Variants in BTRC observed in about 807,000 individuals in gnomAD.
BTRC encodes F-box/WD repeat-containing protein 1A.
Under a neutral mutation model 85.5 loss-of-function variants are expected in BTRC, and 42 were observed. That is an observed-to-expected ratio of 0.49 (90% confidence interval 0.38 to 0.64). BTRC has a LOEUF of 0.64. BTRC is among the 30% of genes least tolerant of loss of function. The pLI is 0.00. For synonymous variants in BTRC, 255 were observed against 263.3 expected, an observed-to-expected ratio of 0.97 and a Z score of 0.30; for missense variants, 594 against 743.5, an observed-to-expected ratio of 0.80 and a Z score of 2.34.
chr10:101,498,419 T>G (rs1045447991), intron 4 of BTRC, among the ~76,000 whole-genome samples: 9 of 151,978 alleles, frequency 5.9e-5, no homozygotes, highest in Admixed American at 5.9e-4. Context: ...CCTCCCAAAG[T>G]GCTGTGATTA....
chr10:101,486,406 G>A (rs1220449379), intron 4 of BTRC, among the ~76,000 whole-genome samples: 6 of 150,674 alleles, frequency 4.0e-5, no homozygotes, highest in Admixed American at 2.7e-4. Context: ...TTTTAGTGCA[G>A]GAATTTTAAG....
At chr10:101,417,080 T>C (rs948854866) in intron 1 of BTRC, among the ~76,000 whole-genome samples, 1 of 152,186 alleles carries the variant, frequency 6.6e-6, no homozygotes, top group African/African-American at 2.4e-5. Context: ...ATTCTCTGTG[T>C]ATTTCCTGCA....
intron 13 of BTRC, among the ~76,000 whole-genome samples, 161 bp downstream of exon 13, chr10:101,538,532 A>G (rs771048836): frequency 2.0e-5 from 3 of 152,246 alleles, no homozygotes; most frequent in Non-Finnish European, 4.4e-5. Flanking sequence ...ATATGTTTAT[A>G]TAATTCCTTT....
chr10:101,406,884 TTTTAA>T (rs1943641042), intron 1 of BTRC, among the ~76,000 whole-genome samples: 4 of 152,210 alleles, frequency 2.6e-5, no homozygotes, highest in African/African-American at 9.6e-5. Context: ...AGCTTTTTAC[TTTTAA>T]TTTATTGGTA....
intron 10 of BTRC, 101 bp downstream of exon 10, chr10:101,535,011 A>G: frequency 7.3e-7 from 1 of 1,361,168 alleles, no homozygotes; most frequent in Non-Finnish European, 1.0e-6. Context: ...CTACAGAAAA[A>G]TGTAATATTT....
chr10:101,498,637 G>C (rs1292613353), intron 4 of BTRC, among the ~76,000 whole-genome samples: 3 of 152,146 alleles, frequency 2.0e-5, no homozygotes, highest in African/African-American at 7.2e-5. Flanking sequence ...CAGTTTTAAA[G>C]TTTAGTGGGC....
chr10:101,503,687 T>A (rs995552890), intron 4 of BTRC, among the ~76,000 whole-genome samples: 1 of 152,222 alleles, frequency 6.6e-6, no homozygotes, highest in African/African-American at 2.4e-5. Flanking sequence ...GAATTATTTC[T>A]TGCTGCATTT....
At chr10:101,354,052 G>T (rs752816853), upstream of BTRC, 9 of 1,119,360 alleles carry the variant, frequency 8.0e-6, no homozygotes, top group African/African-American at 1.6e-5. Flanking sequence ...TGGCCCCTCA[G>T]CCTGCGCCTG....
chr10:101,488,521 A>ATACATATATATATAT (rs1253616250), intron 4 of BTRC, among the ~76,000 whole-genome samples: 4 of 152,334 alleles, frequency 2.6e-5, no homozygotes, highest in East Asian at 1.9e-4. Context: ...AAATGGTATT[A>ATACATATATATATAT]GGCTATAGAA....
chr10:101,519,767 G>A (rs558311952), intron 4 of BTRC, among the ~76,000 whole-genome samples: 3 of 152,256 alleles, frequency 2.0e-5, no homozygotes, highest in Admixed American at 1.3e-4. Flanking sequence ...AGGCCAAGGC[G>A]GGCAGCTCAC....
At position 101,509,942 on chromosome 10, in the gene BTRC, T is replaced by C. The variant is rs1946657564; in HGVS notation, c.325-11697T>C. ...AAGCACTTTGGGAGGCCAAGACAGGTGGATCACGAGATCAGGAGTTTGAGA... is the reference window on the plus strand; with the variant it reads ...AAGCACTTTGGGAGGCCAAGACAGGCGGATCACGAGATCAGGAGTTTGAGA... On this transcript the variant is annotated intron_variant, in intron 4 of 14. Transcript: ENST00000370187. 2.0e-5 allele frequency among the ~76,000 whole-genome samples: 3 copies of C among 150,610 alleles called. No homozygotes were observed. In the South Asian group the frequency reaches 6.3e-4, roughly 32 times the overall value.
At chr10:101,490,712 A>G (rs1946108317) in intron 4 of BTRC, among the ~76,000 whole-genome samples, 1 of 152,114 alleles carries the variant, frequency 6.6e-6, no homozygotes, top group African/African-American at 2.4e-5. Flanking sequence ...TGCTGCTTGT[A>G]TAAATATCTT....
intron 1 of BTRC, among the ~76,000 whole-genome samples, chr10:101,420,690 T>C (rs1944077549): frequency 6.6e-6 from 1 of 152,042 alleles, no homozygotes; most frequent in Non-Finnish European, 1.5e-5. Context: ...GCCCTGTCCT[T>C]TTCCCTCTCG....
intron 7 of BTRC, 99 bp from the exon 8 acceptor site, chr10:101,532,196 T>C (rs1370673703): frequency 6.2e-6 from 8 of 1,294,566 alleles, no homozygotes; most frequent in Non-Finnish European, 4.2e-6. Flanking sequence ...GTATATCCCA[T>C]AGAGTAAAGC....
intron 2 of BTRC, among the ~76,000 whole-genome samples, chr10:101,440,840 T>C (rs1944661310): frequency 6.6e-6 from 1 of 152,242 alleles, no homozygotes; most frequent in Admixed American, 6.5e-5. Context: ...TGGTAATTCC[T>C]GCTTTGAGGT....
chr10:101,500,286 G>A (rs979855661), intron 4 of BTRC, among the ~76,000 whole-genome samples: 5 of 152,092 alleles, frequency 3.3e-5, no homozygotes, highest in African/African-American at 9.6e-5. Context: ...AATACTGTAC[G>A]CAATCATAAC....
chr10:101,379,688 T>C (rs959754), intron 1 of BTRC, among the ~76,000 whole-genome samples: 151,755 of 152,264 alleles, frequency 1, 75,628 homozygotes, highest in Middle Eastern at 1. Context: ...CGTTTTTTTA[T>C]GGCCTGTTAC....
rs766690594 is a variant in BTRC, at chr10:101,498,448, C to T, written c.324+18991C>T. On this transcript the variant is annotated intron_variant, in intron 4 of 14. Coordinates refer to ENST00000370187, the MANE Select transcript of BTRC (RefSeq NM_033637.4). Reference sequence around the variant, plus strand: ...GTGATTACAGGTGTGAGCCACCACACCCGGCCTCCGAAGCTGCTGTTACGA... The same window carrying T: ...GTGATTACAGGTGTGAGCCACCACATCCGGCCTCCGAAGCTGCTGTTACGA... Among the ~76,000 whole-genome samples, 4 of 152,074 alleles carry T rather than the reference C, an allele frequency of 2.6e-5. No homozygotes were observed. The South Asian group carries it at 8.3e-4, about 32-fold the overall frequency.
intron 1 of BTRC, among the ~76,000 whole-genome samples, chr10:101,428,321 A>T (rs771825772): frequency 1.3e-5 from 2 of 152,228 alleles, no homozygotes; most frequent in Admixed American, 6.5e-5. Flanking sequence ...CTTGGATTTC[A>T]TACAGTAGAT....
Sources: allele counts gnomAD v4.1 joint callset (sites outside exome capture counted in the v4.1 genomes callset), GRCh38; gene constraint gnomAD v4.1.1; transcripts MANE v1.5; gene names NCBI Gene and HGNC (gene_info 2026-07-23, HGNC 2026-07-21).